The following LRIG1 variants were observed in gnomAD, a reference collection of about 807,000 sequenced individuals.
LRIG1 encodes the protein leucine rich repeats and immunoglobulin like domains 1.
LRIG1 carries 48 observed loss-of-function variants against 99.2 expected under a neutral mutation model. The observed-to-expected ratio is 0.48, with a 90% CI of 0.38 to 0.62. The LOEUF is 0.62. Among genes scored for constraint, LRIG1 ranks in the 20% least tolerant of loss-of-function variants. LRIG1 has a pLI of 0.00. For missense variants in LRIG1, 1,646 were observed against 1,434.4 expected, an observed-to-expected ratio of 1.15 and a Z score of -2.38; for synonymous variants, 772 against 596.1, an observed-to-expected ratio of 1.29 and a Z score of -4.30.
At position 66,500,272 on chromosome 3, in the gene LRIG1, T is replaced by A. The variant is rs895188717; in HGVS notation, c.136A>T (p.Thr46Ser). Residue 46 changes from threonine to serine, a missense_variant, in exon 1 of 19, where the codon ACT (threonine) becomes TCT (serine). Coordinates refer to ENST00000273261, the MANE Select transcript of LRIG1 (RefSeq NM_015541.3). ...CAGTCCAGCGAGTCCCCAGCGCAAG[T>A]GCAGGCGGCCGCGCAGGGCGCCCGC... ...GPRAPCAAAC[T>S]CAGDSLDCGG... 3.4e-6 allele frequency: 5 copies of A among 1,491,682 alleles called. No individual in the cohort carries two copies. Among genetic ancestry groups the A allele is most frequent in the South Asian group, 1.3e-5 (1 of 79,572 alleles). The allele number at this position is 1,491,682 out of a possible 1,614,324, so 92.4% of individuals were successfully genotyped here.
At chr3:66,421,851 C>T (rs984042827) in intron 3 of LRIG1, among the ~76,000 whole-genome samples, 1 of 152,264 alleles carries the variant, frequency 6.6e-6, no homozygotes, top group Admixed American at 6.5e-5. Flanking sequence ...AAACTTCTAC[C>T]TGGGCATCCA....
chr3:66,381,508 G>C lies in LRIG1; in HGVS notation c.2741C>G (p.Ala914Gly). Residue 914 changes from alanine to glycine, a missense_variant, in exon 17 of 19, where the codon GCT (alanine) becomes GGT (glycine). Ala to Gly is a moderately conservative substitution (Grantham distance 60). Coordinates refer to ENST00000273261, the MANE Select transcript of LRIG1 (RefSeq NM_015541.3). ...HKEPWKAMEK[A>G]EGTPGPHKME... ...CTTATGTGGCCCAGGTGTCCCTTCA[G>C]CTTTCTCCATCGCTTTCCACGGCTC... The C allele has an allele frequency of 6.2e-7, 1 of 1,613,952 alleles. No individual in the cohort carries two copies. Among genetic ancestry groups the C allele is most frequent in the Non-Finnish European group, 8.5e-7 (1 of 1,179,856 alleles).
At chr3:66,500,113 G>A (rs1701322142) in intron 1 of LRIG1, 77 bp downstream of exon 1, 3 of 1,183,222 alleles carry the variant, frequency 2.5e-6, no homozygotes, top group South Asian at 2.8e-5. Context: ...CCCCCTCCCT[G>A]AGTACGAACC....
At chr3:66,393,105 C>T (rs967420383) in intron 12 of LRIG1, among the ~76,000 whole-genome samples, 2 of 152,138 alleles carry the variant, frequency 1.3e-5, no homozygotes, top group African/African-American at 4.8e-5. Context: ...AGCAGGCACA[C>T]TGGCTACTCC....
intron 9 of LRIG1, among the ~76,000 whole-genome samples, chr3:66,402,051 C>T (rs917644834): frequency 2.0e-5 from 3 of 152,208 alleles, no homozygotes; most frequent in East Asian, 1.9e-4. Context: ...ATGGAGGCTG[C>T]GCTCACATCA....
intron 2 of LRIG1, among the ~76,000 whole-genome samples, chr3:66,453,050 T>G (rs1420363582): frequency 6.6e-6 from 1 of 152,242 alleles, no homozygotes; most frequent in Non-Finnish European, 1.5e-5. Flanking sequence ...CCAACCCTGC[T>G]GTGATCCATT....
chr3:66,499,676 T>C (rs1701309458), intron 1 of LRIG1, among the ~76,000 whole-genome samples: 1 of 152,018 alleles, frequency 6.6e-6, no homozygotes, highest in African/African-American at 2.4e-5. Flanking sequence ...AACTAATAAA[T>C]AATGTAAACG....
intron 2 of LRIG1, among the ~76,000 whole-genome samples, chr3:66,460,936 T>G (rs1488822227): frequency 6.6e-6 from 1 of 152,214 alleles, no homozygotes; most frequent in South Asian, 2.1e-4. Context: ...GATGAGGGTT[T>G]GGAATGCAAG....
At chr3:66,401,798 A>G (rs1490043864) in intron 9 of LRIG1, 4 of 567,620 alleles carry the variant, frequency 7.0e-6, no homozygotes, top group African/African-American at 1.9e-5. Context: ...ACCAACCTGG[A>G]ACAGAAAGCG....
At chr3:66,400,539 C>T (rs1702013911) in intron 9 of LRIG1, among the ~76,000 whole-genome samples, 1 of 152,162 alleles carries the variant, frequency 6.6e-6, no homozygotes, top group African/African-American at 2.4e-5. Context: ...CAATGGGGTG[C>T]AGGTGGGCAG....
At chr3:66,472,413 T>C (rs1393959051) in intron 1 of LRIG1, among the ~76,000 whole-genome samples, 11 of 150,416 alleles carry the variant, frequency 7.3e-5, no homozygotes, top group Admixed American at 2.0e-4. Context: ...CACAACAGAA[T>C]TGCGTAAACT....
At chr3:66,495,196 G>A (rs759311319) in intron 1 of LRIG1, among the ~76,000 whole-genome samples, 4 of 152,190 alleles carry the variant, frequency 2.6e-5, no homozygotes, top group Non-Finnish European at 5.9e-5. Context: ...AAAAATAACA[G>A]TAACGGTCCC....
chr3:66,486,998 T>A (rs559488737), intron 1 of LRIG1, among the ~76,000 whole-genome samples: 1 of 152,322 alleles, frequency 6.6e-6, no homozygotes, highest in African/African-American at 2.4e-5. Flanking sequence ...TCTGCTTTGC[T>A]CAACAAAGTT....
At chr3:66,483,996 G>C (rs1162905112) in intron 1 of LRIG1, among the ~76,000 whole-genome samples, 3 of 152,254 alleles carry the variant, frequency 2.0e-5, no homozygotes, top group Non-Finnish European at 4.4e-5. Context: ...AATTCAGAGA[G>C]ACCAAAAAGA....
At chr3:66,450,497 T>C (rs541612529) in intron 3 of LRIG1, among the ~76,000 whole-genome samples, 26 of 152,108 alleles carry the variant, frequency 1.7e-4, no homozygotes, top group Admixed American at 3.9e-4. Context: ...CCCCCCACGC[T>C]CTCCTGCAAT....
chr3:66,406,154 T>C, intron 8 of LRIG1: 1 of 985,500 alleles, frequency 1.0e-6, no homozygotes, highest in Non-Finnish European at 1.2e-6. Context: ...AGGGCAGCTC[T>C]GACTGAAGAG....
At chr3:66,490,675 C>T (rs1440700092) in intron 1 of LRIG1, among the ~76,000 whole-genome samples, 1 of 152,064 alleles carries the variant, frequency 6.6e-6, no homozygotes, top group Admixed American at 6.6e-5. Flanking sequence ...GAGCGTGCTT[C>T]CACTTTTCTA....
chr3:66,418,015 T>C (rs548075486), intron 3 of LRIG1, among the ~76,000 whole-genome samples: 1 of 151,830 alleles, frequency 6.6e-6, no homozygotes, highest in African/African-American at 2.4e-5. Context: ...ATGTGGCAAA[T>C]CTGAAGGTAA....
intron 5 of LRIG1, among the ~76,000 whole-genome samples, 158 bp downstream of exon 5, chr3:66,414,762 G>C (rs76493745): frequency 0.019 from 2,871 of 152,242 alleles, 109 homozygotes; most frequent in African/African-American, 0.065. Flanking sequence ...ACCCAGCTCC[G>C]AATTTGCTTT....
Sources: allele counts gnomAD v4.1 joint callset (sites outside exome capture counted in the v4.1 genomes callset), GRCh38; gene constraint gnomAD v4.1.1; transcripts MANE v1.5; gene names NCBI Gene and HGNC (gene_info 2026-07-23, HGNC 2026-07-21).